Variants in FOXP2 observed in about 807,000 individuals in gnomAD.
The protein encoded by FOXP2 is forkhead box protein P2.
A neutral mutation model predicts 115.8 loss-of-function variants in FOXP2; 12 were observed. The ratio of observed to expected loss-of-function variants is 0.10; its 90% CI spans 0.07 to 0.17. FOXP2 has a LOEUF of 0.17. Among genes scored for constraint, FOXP2 ranks in the 10% least tolerant of loss-of-function variants. FOXP2 has a pLI of 1.00. For missense variants in FOXP2, 629 were observed against 843.5 expected (o/e 0.75, Z 3.15); for synonymous variants, 328 against 297.7 (o/e 1.10, Z -1.05).
At chr7:114,435,427 G>C (rs1794298233) in intron 2 of FOXP2, among the ~76,000 whole-genome samples, 1 of 152,112 alleles carries the variant, frequency 6.6e-6, no homozygotes, top group Non-Finnish European at 1.5e-5. Flanking sequence ...TTCAGTGTTT[G>C]GATGCACTTC....
chr7:114,649,959 T>C (rs1476146277), intron 8 of FOXP2, among the ~76,000 whole-genome samples: 2 of 152,114 alleles, frequency 1.3e-5, no homozygotes, highest in Admixed American at 1.3e-4. Flanking sequence ...GGCTCATTAC[T>C]GAACATCACA....
intron 1 of FOXP2, among the ~76,000 whole-genome samples, chr7:114,252,915 C>T (rs1795491368): frequency 6.6e-6 from 1 of 152,118 alleles, no homozygotes; most frequent in Non-Finnish European, 1.5e-5. Context: ...TTCCTGCTTT[C>T]TCTTGTGGGC....
chr7:114,283,198 A>G lies in FOXP2; in HGVS notation c.-101-4821A>G, dbSNP rs566480400. 2.6e-5 allele frequency among the ~76,000 whole-genome samples: 4 copies of G among 152,256 alleles called. 1 individual carries two copies. In the South Asian group the frequency reaches 8.3e-4, roughly 32 times the overall value. On this transcript the variant is annotated intron_variant, in intron 1 of 17. Transcript: ENST00000634411. Reference sequence around the variant, plus strand: ...ACTTTCTCTTGTTTGGCTATAGTTAACTACCCTGTTTTGAGAAAATTAAAT... The same window carrying G: ...ACTTTCTCTTGTTTGGCTATAGTTAGCTACCCTGTTTTGAGAAAATTAAAT...
intron 3 of FOXP2, among the ~76,000 whole-genome samples, chr7:114,551,385 G>A (rs912959087): frequency 7.9e-5 from 12 of 152,112 alleles, no homozygotes; most frequent in African/African-American, 1.9e-4. Flanking sequence ...AACAAAACTC[G>A]TGGTTTGAGG....
At chr7:114,610,840 G>A (rs1171584068) in intron 3 of FOXP2, among the ~76,000 whole-genome samples, 1 of 150,480 alleles carries the variant, frequency 6.6e-6, no homozygotes, top group Non-Finnish European at 1.5e-5. Flanking sequence ...TCCCCATATT[G>A]CCCAGGCTGG....
chr7:114,117,588 T>G (rs74439139), intron 1 of FOXP2, among the ~76,000 whole-genome samples: 8,590 of 152,214 alleles, frequency 0.056, 360 homozygotes, highest in Non-Finnish European at 0.083. Flanking sequence ...GAGAGGGATC[T>G]TAAACATTAA....
chr7:114,599,731 T>C (rs918214090), intron 3 of FOXP2, among the ~76,000 whole-genome samples: 2 of 152,160 alleles, frequency 1.3e-5, no homozygotes, highest in African/African-American at 4.8e-5. Flanking sequence ...GTACTGGTTA[T>C]TTCTGTCTTT....
chr7:114,455,636 C>T (rs909991093), intron 2 of FOXP2, among the ~76,000 whole-genome samples: 2 of 152,184 alleles, frequency 1.3e-5, no homozygotes, highest in Non-Finnish European at 2.9e-5. Context: ...AGGTACATCT[C>T]TTAATCAAAC....
chr7:114,356,363 T>C (rs1215324102), intron 2 of FOXP2, among the ~76,000 whole-genome samples: 1 of 152,158 alleles, frequency 6.6e-6, no homozygotes, highest in African/African-American at 2.4e-5. Flanking sequence ...ATAAACTACA[T>C]AATATAAAGA....
At chr7:114,243,178 C>T (rs1795195896) in intron 1 of FOXP2, among the ~76,000 whole-genome samples, 1 of 149,654 alleles carries the variant, frequency 6.7e-6, no homozygotes, top group South Asian at 2.1e-4. Context: ...GGTCTGAAGG[C>T]TTTGGTCATG....
At chr7:114,475,494 A>G (rs1011206530) in intron 2 of FOXP2, among the ~76,000 whole-genome samples, 13 of 152,050 alleles carry the variant, frequency 8.5e-5, no homozygotes, top group Non-Finnish European at 1.9e-4. Flanking sequence ...GCGTGATTCC[A>G]TGACAGCCAG....
chr7:114,339,845 A>G (rs905962768), intron 2 of FOXP2, among the ~76,000 whole-genome samples: 3 of 151,136 alleles, frequency 2.0e-5, no homozygotes, highest in Admixed American at 6.6e-5. Context: ...CCTAGAATTA[A>G]AGCTCATTTA....
chr7:114,628,323 A>G (rs539892915), intron 3 of FOXP2, among the ~76,000 whole-genome samples: 2 of 152,326 alleles, frequency 1.3e-5, no homozygotes, highest in South Asian at 4.1e-4. Context: ...TATGGAACAT[A>G]AAGAGTTTGA....
intron 1 of FOXP2, among the ~76,000 whole-genome samples, chr7:114,206,621 TTTAA>T (rs943285017): frequency 6.6e-6 from 1 of 152,200 alleles, no homozygotes; most frequent in Non-Finnish European, 1.5e-5. Context: ...ATCTTGCTTA[TTTAA>T]TTGTTTCTAT....
At chr7:114,107,590 A>G (rs528431077) in intron 1 of FOXP2, among the ~76,000 whole-genome samples, 1 of 152,074 alleles carries the variant, frequency 6.6e-6, no homozygotes, top group Admixed American at 6.6e-5. Flanking sequence ...GGAAATAATT[A>G]TTTACTGAGG....
At position 114,224,442 on chromosome 7, in the gene FOXP2, C is replaced by A. The variant is rs115661468; in HGVS notation, c.-102+61354C>A. Among the ~76,000 whole-genome samples, 1,136 of 152,212 alleles carry A rather than the reference C, an allele frequency of 7.5e-3. 18 individuals carry two copies. Among genetic ancestry groups the A allele is most frequent in the African/African-American group, 0.026 (1,088 of 41,540 alleles). ...TACTTTCAATAATATTTATCATTTTCTATATAATGACTGTGTACAAATTTC... is the reference window on the plus strand; with the variant it reads ...TACTTTCAATAATATTTATCATTTTATATATAATGACTGTGTACAAATTTC... On this transcript the variant is annotated intron_variant, in intron 1 of 17. Coordinates refer to the FOXP2 transcript ENST00000634411.
chr7:114,674,950 G>T (rs556087834), intron 16 of FOXP2, among the ~76,000 whole-genome samples: 3 of 152,044 alleles, frequency 2.0e-5, no homozygotes, highest in Non-Finnish European at 4.4e-5. Context: ...CTATTAATAT[G>T]ATTTCTGTTA....
At chr7:114,584,522 T>G (rs1802030879) in intron 3 of FOXP2, among the ~76,000 whole-genome samples, 1 of 152,324 alleles carries the variant, frequency 6.6e-6, no homozygotes, top group African/African-American at 2.4e-5. Flanking sequence ...ACACCTTACT[T>G]TCATTAAATT....
chr7:114,255,230 C>T (rs187363338), intron 1 of FOXP2, among the ~76,000 whole-genome samples: 7 of 152,252 alleles, frequency 4.6e-5, no homozygotes, highest in East Asian at 3.9e-4. Flanking sequence ...TTAGGCTAGT[C>T]GGGGGTCAGG....
Sources: allele counts gnomAD v4.1 joint callset (sites outside exome capture counted in the v4.1 genomes callset), GRCh38; gene constraint gnomAD v4.1.1; transcripts MANE v1.5; gene names NCBI Gene and HGNC (gene_info 2026-07-23, HGNC 2026-07-21).